Variants in PRDM10 observed in about 807,000 individuals in gnomAD.
PRDM10 encodes the protein PR/SET domain 10.
Under a neutral mutation model 133.1 loss-of-function variants are expected in PRDM10, and 65 were observed. The ratio of observed to expected loss-of-function variants is 0.49; its 90% CI spans 0.40 to 0.60. The LOEUF (loss-of-function observed/expected upper bound fraction) is 0.60. Among genes scored for constraint, PRDM10 ranks in the 20% least tolerant of loss-of-function variants. The pLI is 0.00. For synonymous variants in PRDM10, 582 were observed against 580.4 expected, an observed-to-expected ratio of 1.00 and a Z score of -0.04; for missense variants, 1,137 against 1,507.1, an observed-to-expected ratio of 0.75 and a Z score of 4.07.
intron 9 of PRDM10, among the ~76,000 whole-genome samples, chr11:129,934,129 T>C (rs1950955490): frequency 6.6e-6 from 1 of 152,234 alleles, no homozygotes; most frequent in Non-Finnish European, 1.5e-5. Context: ...TCAATGTGTG[T>C]TATGAGCACT....
chr11:129,946,148 C>T (rs997579408), intron 5 of PRDM10, among the ~76,000 whole-genome samples: 3 of 151,918 alleles, frequency 2.0e-5, no homozygotes, highest in Admixed American at 2.0e-4. Flanking sequence ...ACTCCGGAGG[C>T]TGAGGCTTGA....
chr11:129,990,023 C>A (rs1039300955), intron 1 of PRDM10, among the ~76,000 whole-genome samples: 1 of 151,690 alleles, frequency 6.6e-6, no homozygotes, highest in African/African-American at 2.4e-5. Flanking sequence ...AGCAATATGG[C>A]GAAACCCCAT....
rs150849796 is a variant in PRDM10, at chr11:129,987,738, C to T, written c.-119+14984G>A. 3.8e-3 allele frequency among the ~76,000 whole-genome samples: 582 copies of T among 152,272 alleles called. 5 individuals carry two copies. The highest frequency in any genetic ancestry group is 0.013 in the African/African-American group (548 of 41,546). ...TGAAGACGCCGGGTGTGGTGGCTCA[C>T]GCCTGTAATCCCAGCCCTTTGGGAG... On this transcript the variant is annotated intron_variant, in intron 1 of 20. Coordinates refer to ENST00000360871, the MANE Select transcript of PRDM10 (RefSeq NM_199437.2).
intron 12 of PRDM10, among the ~76,000 whole-genome samples, chr11:129,924,157 A>G (rs867148763): frequency 1.3e-5 from 2 of 152,232 alleles, no homozygotes; most frequent in African/African-American, 2.4e-5. Flanking sequence ...TTTTGCCATT[A>G]AATTATGCCT....
intron 1 of PRDM10, among the ~76,000 whole-genome samples, chr11:129,967,551 C>T (rs1158760454): frequency 6.6e-6 from 1 of 152,086 alleles, no homozygotes. Flanking sequence ...CAACGATGAA[C>T]ATTCAAGAAA....
chr11:129,971,055 G>C (rs1442960812), intron 1 of PRDM10, among the ~76,000 whole-genome samples: 1 of 152,052 alleles, frequency 6.6e-6, no homozygotes, highest in Non-Finnish European at 1.5e-5. Context: ...TCTGGAGTTT[G>C]TTCCTTCTGA....
Position 129,942,537 on chromosome 11 carries a change from C to T in PRDM10, c.855G>A (p.Met285Ile). ...LSDETLCNWM[M>I]FVRPAQNHLE... ...GGTGATTCTGGGCTGGCCGTACAAACATCATCCAGTTACAAAGCGTCTCAT... is the reference window on the plus strand; with the variant it reads ...GGTGATTCTGGGCTGGCCGTACAAATATCATCCAGTTACAAAGCGTCTCAT... The change falls in exon 7 of 21, where the codon ATG becomes ATA. Residue 285 changes from methionine to isoleucine, a missense_variant. By Grantham distance (10) the Met-to-Ile change is conservative. Transcript: ENST00000360871. 1 of 1,613,782 alleles carries T rather than the reference C, an allele frequency of 6.2e-7. No individual in the cohort carries two copies.
intron 19 of PRDM10, among the ~76,000 whole-genome samples, chr11:129,907,899 T>A (rs1174703203): frequency 6.6e-6 from 1 of 150,510 alleles, no homozygotes; most frequent in African/African-American, 2.4e-5. Flanking sequence ...AAAACCAGCC[T>A]GGGCAACACA....
chr11:129,979,954 CA>C (rs1938012031), intron 1 of PRDM10, among the ~76,000 whole-genome samples: 1 of 152,212 alleles, frequency 6.6e-6, no homozygotes, highest in Admixed American at 6.5e-5. Flanking sequence ...ATTTTACTTC[CA>C]AATGGAATTT....
rs376393310 is a variant in PRDM10, at chr11:129,915,641, A to G, written c.2526+19T>C. On this transcript the variant is annotated intron_variant, in intron 16 of 20. Transcript: ENST00000360871. Reference sequence around the variant, plus strand: ...GCATGGCGGTTTTGACCTTAGCTTTAGTCAGAAACTCCCCCTACCTTGCTG... The same window carrying G: ...GCATGGCGGTTTTGACCTTAGCTTTGGTCAGAAACTCCCCCTACCTTGCTG... 314 of 1,550,624 alleles carry G rather than the reference A, an allele frequency of 2.0e-4. 1 individual carries two copies. The African/African-American group carries it at 3.9e-3, about 19-fold the overall frequency.
chr11:129,966,136 C>T lies in PRDM10; in HGVS notation c.-118-5054G>A, dbSNP rs574464384. ...GCGTGTGCCTGTAGTCCCAGCTGCTCGGGAGGCTGAGGCGGGAGAATCGCC... is the reference window on the plus strand; with the variant it reads ...GCGTGTGCCTGTAGTCCCAGCTGCTTGGGAGGCTGAGGCGGGAGAATCGCC... On this transcript the variant is annotated intron_variant, in intron 1 of 20. Coordinates refer to ENST00000360871, the MANE Select transcript of PRDM10 (RefSeq NM_199437.2). Among the ~76,000 whole-genome samples the T allele has an allele frequency of 2.6e-5, 4 of 151,958 alleles. No homozygotes were observed. In the South Asian group the frequency reaches 6.2e-4, roughly 24 times the overall value.
chr11:129,910,288 G>A (rs1950144865), intron 19 of PRDM10, among the ~76,000 whole-genome samples, 188 bp downstream of exon 19: 2 of 152,152 alleles, frequency 1.3e-5, no homozygotes, highest in Non-Finnish European at 2.9e-5. Context: ...TGTCCTATCA[G>A]GGTAGCTCTG....
intron 1 of PRDM10, among the ~76,000 whole-genome samples, chr11:129,995,246 G>A (rs1938983674): frequency 6.6e-6 from 1 of 152,158 alleles, no homozygotes; most frequent in Admixed American, 6.5e-5. Flanking sequence ...ATACATGATG[G>A]AAGAGACTGA....
intron 16 of PRDM10, 96 bp downstream of exon 16, chr11:129,915,564 G>A (rs1042455079): frequency 1.5e-6 from 2 of 1,317,470 alleles, no homozygotes; most frequent in Admixed American, 2.4e-5. Context: ...AACTCAGAAG[G>A]AGCCATCCAG....
At chr11:129,991,300 T>C (rs1938730109) in intron 1 of PRDM10, among the ~76,000 whole-genome samples, 1 of 152,230 alleles carries the variant, frequency 6.6e-6, no homozygotes, top group South Asian at 2.1e-4. Context: ...AATAGATCAC[T>C]CTTAACTGCA....
At chr11:129,953,457 C>A (rs987297590) in intron 4 of PRDM10, among the ~76,000 whole-genome samples, 2 of 151,884 alleles carry the variant, frequency 1.3e-5, no homozygotes, top group South Asian at 2.1e-4. Flanking sequence ...CCACGCCCAG[C>A]TAATTTTTGT....
Position 129,976,362 on chromosome 11 carries a change from G to A in PRDM10, c.-118-15280C>T, listed in dbSNP as rs73577271. 4.0e-3 allele frequency among the ~76,000 whole-genome samples: 613 copies of A among 152,258 alleles called. 3 individuals carry two copies. The highest frequency in any genetic ancestry group is 0.014 in the African/African-American group (572 of 41,542). On this transcript the variant is annotated intron_variant, in intron 1 of 20. Coordinates refer to ENST00000360871, the MANE Select transcript of PRDM10 (RefSeq NM_199437.2). Reference sequence around the variant, plus strand: ...ACTGTGTCCTCAAGCATGGCCAAGGGGAAGAGAGTAGGTACAGGACCCATC... The same window carrying A: ...ACTGTGTCCTCAAGCATGGCCAAGGAGAAGAGAGTAGGTACAGGACCCATC...
chr11:129,935,320 A>C (rs911476336), intron 8 of PRDM10, 102 bp from the exon 9 acceptor site: 8 of 852,618 alleles, frequency 9.4e-6, no homozygotes, highest in Non-Finnish European at 1.6e-5. Context: ...TGCAGCCCAA[A>C]GAGTTCATAA....
chr11:129,918,425 A>G lies in PRDM10; in HGVS notation c.2214+114T>C. On this transcript the variant is annotated intron_variant, in intron 14 of 20. Transcript: ENST00000360871. The surrounding 1 kb of genome is among the most constrained non-coding windows in gnomAD (Gnocchi z 5.3). ...CCTCTGTTTCTTCCCCTGGACATTG[A>G]CAAAACCATTGATCGATATAACTTA... 1 of 1,285,924 alleles carries G rather than the reference A, an allele frequency of 7.8e-7. No homozygotes were observed. The highest frequency in any genetic ancestry group is 1.0e-6 in the Non-Finnish European group (1 of 975,098). The allele number at this position is 1,285,924 out of a possible 1,614,324, so 79.7% of individuals were successfully genotyped here.
Sources: gnomAD v4.1 joint callset for allele counts (sites outside exome capture counted in the v4.1 genomes callset) on GRCh38, gnomAD v4.1.1 for gene constraint, Gnocchi (gnomAD v3.1) non-coding constraint, MANE v1.5 for transcripts, NCBI Gene and HGNC (gene_info 2026-07-23, HGNC 2026-07-21) for gene names.